MYT1L: variants seen among roughly 807,000 people sequenced by gnomAD.
MYT1L encodes the protein myelin transcription factor 1-like protein.
In MYT1L, 12 loss-of-function variants were observed where a neutral mutation model predicts 126.7. The observed-to-expected ratio is 0.09, with a 90% confidence interval of 0.06 to 0.15. The LOEUF (loss-of-function observed/expected upper bound fraction) is 0.15, where lower values mean the gene tolerates loss of function less well. Among genes scored for constraint, MYT1L ranks in the 10% least tolerant of loss-of-function variants. The pLI, the probability that MYT1L is intolerant of heterozygous loss-of-function variation, is 1.00. For missense variants in MYT1L, 979 were observed against 1,585.2 expected (o/e 0.62, Z 6.49); for synonymous variants, 541 against 604.2 (o/e 0.90, Z 1.53).
intron 4 of MYT1L, among the ~76,000 whole-genome samples, chr2:2,036,407 A>C (rs1316258076): frequency 1.2e-4 from 12 of 103,584 alleles, no homozygotes; most frequent in Non-Finnish European, 2.1e-4. Flanking sequence ...CACAATCTCC[A>C]CCCTCCAATG....
intron 18 of MYT1L, among the ~76,000 whole-genome samples, chr2:1,872,095 TA>T (rs1295863540): frequency 6.6e-6 from 1 of 152,174 alleles, no homozygotes; most frequent in African/African-American, 2.4e-5. Flanking sequence ...AGTGGAAGTC[TA>T]ATCTTCTGTA....
chr2:2,140,092 A>G (rs1477457056), intron 3 of MYT1L, among the ~76,000 whole-genome samples: 1 of 152,250 alleles, frequency 6.6e-6, no homozygotes, highest in Non-Finnish European at 1.5e-5. Flanking sequence ...ATCATCTGCC[A>G]TAACACATGT....
At chr2:1,825,487 A>T in intron 21 of MYT1L, 1 of 152,226 alleles carries the variant, frequency 6.6e-6, no homozygotes, top group East Asian at 1.9e-4. Context: ...AAGTAATATT[A>T]TGTTTATTAG....
chr2:1,858,690 G>A (rs4528785), intron 18 of MYT1L, among the ~76,000 whole-genome samples: 80,312 of 152,078 alleles, frequency 0.53, 22,881 homozygotes, highest in Middle Eastern at 0.74. Context: ...TAAAATTCAC[G>A]GAAAGGCAAT....
chr2:2,101,588 T>A lies in MYT1L; in HGVS notation c.-303-47465A>T, dbSNP rs549178750. Among the ~76,000 whole-genome samples the A allele has an allele frequency of 2.7e-4, 41 of 151,818 alleles. 1 individual carries two copies. In the South Asian group the frequency reaches 6.1e-3, roughly 22 times the overall value. Reference sequence around the variant, plus strand: ...ATCAACTCATCTACCCAACCACCCATCCATCCAACCACGCACCCTTCTACC... The same window carrying A: ...ATCAACTCATCTACCCAACCACCCAACCATCCAACCACGCACCCTTCTACC... On this transcript the variant is annotated intron_variant, in intron 3 of 24. Coordinates refer to ENST00000647738, the MANE Select transcript of MYT1L (RefSeq NM_001303052.2).
At chr2:2,138,791 A>C (rs1200697252) in intron 3 of MYT1L, among the ~76,000 whole-genome samples, 4 of 150,092 alleles carry the variant, frequency 2.7e-5, no homozygotes, top group Non-Finnish European at 4.4e-5. Context: ...ACATGTATAC[A>C]TATGTAATTA....
chr2:1,849,215 C>G (rs578241639), intron 19 of MYT1L, among the ~76,000 whole-genome samples: 70 of 151,980 alleles, frequency 4.6e-4, no homozygotes, highest in African/African-American at 1.6e-3. Context: ...GAAGTGTTCA[C>G]CTTACGGGGT....
chr2:2,262,761 C>A (rs961714563), intron 2 of MYT1L, among the ~76,000 whole-genome samples: 2 of 150,584 alleles, frequency 1.3e-5, no homozygotes, highest in Admixed American at 6.6e-5. Context: ...CTGGTTGGAG[C>A]TTTTCTAGCC....
intron 3 of MYT1L, among the ~76,000 whole-genome samples, chr2:2,158,274 A>C (rs373767564): frequency 6.6e-6 from 1 of 152,126 alleles, no homozygotes; most frequent in African/African-American, 2.4e-5. Flanking sequence ...AAGGAAAAAA[A>C]ACCCACTTCT....
chr2:2,123,628 G>A (rs1402196026), intron 3 of MYT1L, among the ~76,000 whole-genome samples: 1 of 152,212 alleles, frequency 6.6e-6, no homozygotes, highest in African/African-American at 2.4e-5. Context: ...CTCCCGCCAT[G>A]ACTGTAAGTT....
intron 1 of MYT1L, chr2:2,325,289 A>C (rs2096231274): frequency 6.6e-6 from 1 of 152,182 alleles, no homozygotes; most frequent in Non-Finnish European, 1.5e-5. Context: ...AACTCTAACC[A>C]ATTCTTAAAA....
At chr2:2,261,569 A>G (rs1325435709) in intron 2 of MYT1L, among the ~76,000 whole-genome samples, 2 of 152,216 alleles carry the variant, frequency 1.3e-5, no homozygotes, top group Non-Finnish European at 2.9e-5. Flanking sequence ...GGCAGGTGAG[A>G]TGTTCAGATT....
intron 3 of MYT1L, among the ~76,000 whole-genome samples, chr2:2,063,174 C>T (rs2070758151): frequency 1.3e-5 from 2 of 152,184 alleles, no homozygotes; most frequent in South Asian, 4.1e-4. Context: ...AACTCATCTT[C>T]TCCTTCTTCT....
At position 2,124,831 on chromosome 2, in the gene MYT1L, T is replaced by C. The variant is rs567166511; in HGVS notation, c.-304+48041A>G. ...GACACTTTGCTGAGGCACAGACATG[T>C]CCACCTGTGGCACAGGTGGGGCTGC... On this transcript the variant is annotated intron_variant, in intron 3 of 24. Transcript: ENST00000647738. Among the ~76,000 whole-genome samples, 5 of 152,276 alleles carry C rather than the reference T, an allele frequency of 3.3e-5. No individual in the cohort carries two copies. The South Asian group carries it at 1.0e-3, about 32-fold the overall frequency.
chr2:1,875,161 G>A (rs988063969), intron 18 of MYT1L, among the ~76,000 whole-genome samples: 1 of 152,170 alleles, frequency 6.6e-6, no homozygotes, highest in Non-Finnish European at 1.5e-5. Flanking sequence ...TCTATGTTCC[G>A]GCGCAGGCGG....
rs78477332 is a variant in MYT1L at position 2,083,193 on chromosome 2, C to G, written c.-303-29070G>C. 1.1e-3 allele frequency among the ~76,000 whole-genome samples: 173 copies of G among 152,336 alleles called. 4 individuals carry two copies. The East Asian group carries it at 0.031, about 27-fold the overall frequency. On this transcript the variant is annotated intron_variant, in intron 3 of 24. Transcript: ENST00000647738. ...GAATACTTTTGCTTTGAAGAAATAC[C>G]TGCCCTTCCTAAGTGCTGCGGCTTT...
At chr2:2,157,427 T>A (rs2086911385) in intron 3 of MYT1L, among the ~76,000 whole-genome samples, 1 of 152,230 alleles carries the variant, frequency 6.6e-6, no homozygotes, top group Non-Finnish European at 1.5e-5. Context: ...TTTATTATTC[T>A]GGAGATTTTT....
intron 5 of MYT1L, among the ~76,000 whole-genome samples, chr2:1,986,107 T>G (rs2060998600): frequency 6.6e-6 from 1 of 152,258 alleles, no homozygotes; most frequent in Admixed American, 6.5e-5. Context: ...GGTAGATGCC[T>G]GTAAATTTCA....
chr2:2,312,812 G>T (rs139433933), intron 1 of MYT1L, among the ~76,000 whole-genome samples: 1 of 152,170 alleles, frequency 6.6e-6, no homozygotes, highest in Non-Finnish European at 1.5e-5. Flanking sequence ...CAAAAGAGGT[G>T]GTAGAAGACT....
Sources: gnomAD v4.1 joint callset for allele counts (sites outside exome capture counted in the v4.1 genomes callset) on GRCh38, gnomAD v4.1.1 for gene constraint, MANE v1.5 for transcripts, NCBI Gene and HGNC (gene_info 2026-07-23, HGNC 2026-07-21) for gene names.